RPS6KA2: variants seen among roughly 807,000 people sequenced by gnomAD.
RPS6KA2 encodes the protein ribosomal protein S6 kinase alpha-2.
Under a neutral mutation model 91.8 loss-of-function variants are expected in RPS6KA2, and 42 were observed. The ratio of observed to expected loss-of-function variants is 0.46; its 90% CI spans 0.36 to 0.59. The LOEUF is 0.59. Among genes scored for constraint, RPS6KA2 ranks in the 20% least tolerant of loss-of-function variants. The probability of loss-of-function intolerance (pLI) is 0.00; values close to 1 mark genes in which losing one functional copy is unlikely to be tolerated. For missense variants in RPS6KA2, 798 were observed against 978.5 expected (o/e 0.82, Z 2.46); for synonymous variants, 414 against 393.6 (o/e 1.05, Z -0.61).
upstream of RPS6KA2, among the ~76,000 whole-genome samples, chr6:166,630,415 G>A (rs1787040439): frequency 1.3e-5 from 2 of 152,248 alleles, no homozygotes; most frequent in South Asian, 4.1e-4. Flanking sequence ...ACGCTAAATT[G>A]CACTTCAAGT....
At position 166,571,468 on chromosome 6, in the gene RPS6KA2, A is replaced by G. The variant is rs956650636; in HGVS notation, c.100-32684T>C. 3.9e-5 allele frequency among the ~76,000 whole-genome samples: 6 copies of G among 152,358 alleles called. No individual in the cohort carries two copies. The South Asian group carries it at 1.2e-3, about 32-fold the overall frequency. On this transcript the variant is annotated intron_variant, in intron 1 of 20. Coordinates refer to ENST00000265678, the MANE Select transcript of RPS6KA2 (RefSeq NM_021135.6). ...AGCAAAATGAAAAAGCCAATGACAA[A>G]CAGAAAATATTGAGAACCACAAAAT...
chr6:166,548,347 GT>G (rs1783894216), intron 1 of RPS6KA2, among the ~76,000 whole-genome samples: 1 of 152,176 alleles, frequency 6.6e-6, no homozygotes, highest in Non-Finnish European at 1.5e-5. Flanking sequence ...GTATAGAGAA[GT>G]TTATTCTAAA....
Position 166,770,829 on chromosome 6 carries a change from T to C in RPS6KA2, c.123+87371A>G, listed in dbSNP as rs755244679. On this transcript the variant is annotated intron_variant, in intron 2 of 21. Coordinates refer to the RPS6KA2 transcript ENST00000503859. This position sits in a 1 kb window ranked among gnomAD's most constrained non-coding sequence, Gnocchi z 5.1. ...AAAAAAAATGTAACTCACATAAGCATGGAAAAAAACAAACCCACAGGAACG... is the reference window on the plus strand; with the variant it reads ...AAAAAAAATGTAACTCACATAAGCACGGAAAAAAACAAACCCACAGGAACG... 32 of 1,559,294 alleles carry C rather than the reference T, an allele frequency of 2.1e-5. No individual in the cohort carries two copies. The highest frequency in any genetic ancestry group is 2.6e-5 in the Non-Finnish European group (30 of 1,165,738).
rs1255454823 is a variant in RPS6KA2, at chr6:166,410,407, C to G, written c.*2355G>C. 6.6e-6 allele frequency: 1 copy of G among 152,526 alleles called. No individual in the cohort carries two copies. Among genetic ancestry groups the G allele is most frequent in the East Asian group, 1.9e-4 (1 of 5,192 alleles). The allele number at this position is 152,526 out of a possible 1,614,324, so 9.4% of individuals were successfully genotyped here. ...TGAAAGCTTAGTTTAACATATGATA[C>G]CATAACTTCTTTAGGCTGACTTTTG... On this transcript the variant is annotated 3_prime_UTR_variant, in exon 21 of 21. Coordinates refer to ENST00000265678, the MANE Select transcript of RPS6KA2 (RefSeq NM_021135.6).
At chr6:166,634,511 T>G (rs1164097692) in intron 2 of RPS6KA2, among the ~76,000 whole-genome samples, 1 of 152,200 alleles carries the variant, frequency 6.6e-6, no homozygotes, top group East Asian at 1.9e-4. Context: ...TGTAAATCCA[T>G]GACTTGCAAA....
chr6:166,510,387 GA>G (rs757292660), intron 3 of RPS6KA2, 30 bp from the exon 4 acceptor site: 14 of 1,456,452 alleles, frequency 9.6e-6, no homozygotes, highest in Non-Finnish European at 1.2e-5. Context: ...AGGCTTTCAT[GA>G]GGCAGGAAAT....
At chr6:166,468,856 T>TCCGTCTCAA (rs567161437) in intron 11 of RPS6KA2, among the ~76,000 whole-genome samples, 2 of 112,184 alleles carry the variant, frequency 1.8e-5, no homozygotes, top group Non-Finnish European at 3.6e-5. Context: ...AGAGCGAGAC[T>TCCGTCTCAA]AAAAAAAAAA....
intron 3 of RPS6KA2, among the ~76,000 whole-genome samples, chr6:166,522,574 T>C (rs1037075826): frequency 2.6e-5 from 4 of 152,112 alleles, no homozygotes; most frequent in South Asian, 2.1e-4. Context: ...CACTGGAGAG[T>C]GCGGGCTGTG....
At chr6:166,760,467 G>T (rs1345454181) in intron 2 of RPS6KA2, among the ~76,000 whole-genome samples, 1 of 152,192 alleles carries the variant, frequency 6.6e-6, no homozygotes, top group Admixed American at 6.5e-5. Flanking sequence ...TAAGATCATC[G>T]CACAGAGTAT....
intron 2 of RPS6KA2, among the ~76,000 whole-genome samples, chr6:166,828,697 A>C (rs757644008): frequency 2.2e-4 from 33 of 152,224 alleles, no homozygotes; most frequent in Admixed American, 8.5e-4. Context: ...GAAAGACCTA[A>C]ATGTAAGACC....
intron 10 of RPS6KA2, among the ~76,000 whole-genome samples, chr6:166,486,630 T>TG (rs1284880579): frequency 6.6e-6 from 1 of 152,250 alleles, no homozygotes; most frequent in Non-Finnish European, 1.5e-5. Flanking sequence ...GACACCAGCA[T>TG]GGGGCCCTGC....
intron 2 of RPS6KA2, among the ~76,000 whole-genome samples, chr6:166,765,919 A>C (rs1316983953): frequency 1.3e-5 from 2 of 152,228 alleles, no homozygotes; most frequent in East Asian, 1.9e-4. Context: ...CACTCCCTTC[A>C]CGCTGACACA....
In RPS6KA2 at chr6:166,574,557, C is replaced by G. The variant is rs541598624; in HGVS notation, c.100-35773G>C. Among the ~76,000 whole-genome samples, 5 of 152,290 alleles carry G rather than the reference C, an allele frequency of 3.3e-5. No homozygotes were observed. The South Asian group carries it at 1.0e-3, about 32-fold the overall frequency. On this transcript the variant is annotated intron_variant, in intron 1 of 20. Coordinates refer to ENST00000265678, the MANE Select transcript of RPS6KA2 (RefSeq NM_021135.6). ...ACCACATTTTCTTTGTCCAATCCAC[C>G]ATTAATGAGCACCTAAGTTGATTCC...
intron 7 of RPS6KA2, 94 bp from the exon 8 acceptor site, chr6:166,498,744 G>A: frequency 1.3e-6 from 2 of 1,502,360 alleles, no homozygotes; most frequent in Non-Finnish European, 1.8e-6. Flanking sequence ...TGTGGGCTCT[G>A]CCCCCTCTCC....
intron 3 of RPS6KA2, among the ~76,000 whole-genome samples, chr6:166,514,221 T>C (rs999493631): frequency 6.6e-6 from 1 of 152,196 alleles, no homozygotes; most frequent in African/African-American, 2.4e-5. Flanking sequence ...TCCTTTCCCA[T>C]CACTACTTCT....
At chr6:166,748,656 C>T (rs1295214105) in intron 2 of RPS6KA2, among the ~76,000 whole-genome samples, 47 of 75,974 alleles carry the variant, frequency 6.2e-4, no homozygotes, top group South Asian at 1.9e-3. Flanking sequence ...GGGCCCCCAC[C>T]TCCTCAGGCC....
At chr6:166,785,325 G>T (rs2128612092) in intron 2 of RPS6KA2, among the ~76,000 whole-genome samples, 1 of 152,342 alleles carries the variant, frequency 6.6e-6, no homozygotes, top group Non-Finnish European at 1.5e-5. Flanking sequence ...ACCCAGTTCT[G>T]CCGGCCTCAG....
intron 6 of RPS6KA2, among the ~76,000 whole-genome samples, chr6:166,502,477 G>A (rs1782059337): frequency 6.6e-6 from 1 of 152,214 alleles, no homozygotes; most frequent in South Asian, 2.1e-4. Context: ...ATTTTTAGCT[G>A]TAAGGATCAC....
chr6:166,551,149 T>C (rs9364856), intron 1 of RPS6KA2, among the ~76,000 whole-genome samples: 5,533 of 152,206 alleles, frequency 0.036, 287 homozygotes, highest in East Asian at 0.19. Flanking sequence ...TCAAAGTCCT[T>C]AGGATTAACT....
Sources: gnomAD v4.1 joint callset for allele counts (sites outside exome capture counted in the v4.1 genomes callset) on GRCh38, gnomAD v4.1.1 for gene constraint, Gnocchi (gnomAD v3.1) non-coding constraint, MANE v1.5 for transcripts, NCBI Gene and HGNC (gene_info 2026-07-23, HGNC 2026-07-21) for gene names.